Variants in PAK5 observed in about 807,000 individuals in gnomAD.
PAK5 encodes the protein p21 (RAC1) activated kinase 5, also known as serine/threonine-protein kinase PAK 5.
Under a neutral mutation model 65.9 loss-of-function variants are expected in PAK5, and 16 were observed. The observed-to-expected ratio is 0.24, with a 90% CI of 0.16 to 0.37. The LOEUF (loss-of-function observed/expected upper bound fraction) is 0.37, where lower values mean the gene tolerates loss of function less well. Ranked by LOEUF, PAK5 falls within the 10% of genes least tolerant of loss-of-function variation. PAK5 has a pLI of 1.00. For missense variants in PAK5, 785 were observed against 903.9 expected (o/e 0.87, Z 1.69); for synonymous variants, 371 against 354.9 (o/e 1.05, Z -0.51).
intron 2 of PAK5, among the ~76,000 whole-genome samples, chr20:9,662,888 C>G (rs2876174): frequency 0.49 from 74,237 of 151,954 alleles, 19,853 homozygotes; most frequent in Non-Finnish European, 0.62. Flanking sequence ...ACTCAGCTAG[C>G]TAGTGGCAGA....
intron 3 of PAK5, among the ~76,000 whole-genome samples, chr20:9,583,753 A>T (rs2123034311): frequency 6.6e-6 from 1 of 152,288 alleles, no homozygotes; most frequent in South Asian, 2.1e-4. Context: ...CAGCTGCAAA[A>T]ATATCTCCTG....
intron 3 of PAK5, among the ~76,000 whole-genome samples, chr20:9,626,108 C>T (rs948945628): frequency 8.5e-5 from 13 of 152,152 alleles, no homozygotes; most frequent in African/African-American, 2.6e-4. Flanking sequence ...GTTTCTTACC[C>T]GTTTGAAGAC....
intron 1 of PAK5, among the ~76,000 whole-genome samples, chr20:9,801,776 C>A (rs1000298175): frequency 6.6e-6 from 1 of 152,046 alleles, no homozygotes; most frequent in Admixed American, 6.6e-5. Flanking sequence ...GAAAAGCCAG[C>A]ATGAGTTAAA....
At position 9,821,957 on chromosome 20, in the gene PAK5, A is replaced by G. The variant is rs2049425882; in HGVS notation, c.-162+16805T>C. 1.3e-5 allele frequency among the ~76,000 whole-genome samples: 2 copies of G among 152,188 alleles called. 1 individual carries two copies. Among genetic ancestry groups the G allele is most frequent in the South Asian group, 4.1e-4 (2 of 4,834 alleles). On this transcript the variant is annotated intron_variant, in intron 1 of 9. Coordinates refer to ENST00000353224, the MANE Select transcript of PAK5 (RefSeq NM_177990.4). ...GGGATATAGAGTTCCAAATAATGCC[A>G]TGGAAGATACAGCTTATCAACTGGT...
At chr20:9,609,753 G>A (rs539854576) in intron 3 of PAK5, among the ~76,000 whole-genome samples, 1 of 152,294 alleles carries the variant, frequency 6.6e-6, no homozygotes, top group African/African-American at 2.4e-5. Flanking sequence ...TAGGAATTTG[G>A]AAACTTTGGC....
chr20:9,752,019 A>G (rs1319051687), intron 1 of PAK5, among the ~76,000 whole-genome samples: 3 of 152,194 alleles, frequency 2.0e-5, no homozygotes, highest in African/African-American at 4.8e-5. Context: ...TGAAGCACAC[A>G]TCTGGTGGAA....
At chr20:9,763,168 A>G (rs558006279) in intron 1 of PAK5, among the ~76,000 whole-genome samples, 28 of 152,168 alleles carry the variant, frequency 1.8e-4, no homozygotes, top group African/African-American at 6.5e-4. Flanking sequence ...CTTATACAAG[A>G]TAAATAGGTT....
At chr20:9,809,161 TTC>T (rs1369152964) in intron 1 of PAK5, among the ~76,000 whole-genome samples, 4 of 152,100 alleles carry the variant, frequency 2.6e-5, no homozygotes, top group Non-Finnish European at 5.9e-5. Flanking sequence ...TCAGCCAACA[TTC>T]TGAGCCTTTA....
At chr20:9,667,655 A>C (rs1486081903) in intron 2 of PAK5, among the ~76,000 whole-genome samples, 2 of 152,006 alleles carry the variant, frequency 1.3e-5, no homozygotes, top group African/African-American at 4.8e-5. Context: ...TGTTGATCAA[A>C]CTCCTGACCC....
At chr20:9,650,019 C>T (rs1253662803) in intron 2 of PAK5, among the ~76,000 whole-genome samples, 1 of 152,160 alleles carries the variant, frequency 6.6e-6, no homozygotes, top group Non-Finnish European at 1.5e-5. Context: ...GCTCTGCTGA[C>T]TTGAATACTA....
Position 9,838,274 on chromosome 20 carries a change from A to G in PAK5, c.-162+488T>C, listed in dbSNP as rs1979317751. The stretch of plus-strand genomic sequence containing the variant: ...TAAAGGCTCAGCTATTGCATCCTCC[A>G]GTCCACACCTGCCAAAAGACAAAAA... On this transcript the variant is annotated intron_variant, in intron 1 of 9. Transcript: ENST00000353224. This position sits in a 1 kb window ranked among gnomAD's most constrained non-coding sequence, Gnocchi z 4.5. Among the ~76,000 whole-genome samples, 3 of 152,112 alleles carry G rather than the reference A, an allele frequency of 2.0e-5. No homozygotes were observed. The South Asian group carries it at 6.2e-4, about 31-fold the overall frequency.
intron 1 of PAK5, among the ~76,000 whole-genome samples, chr20:9,812,371 A>C (rs1409755331): frequency 6.6e-6 from 1 of 152,222 alleles, no homozygotes; most frequent in Non-Finnish European, 1.5e-5. Context: ...CAAGTAACAT[A>C]TAAAAATGAT....
intron 2 of PAK5, among the ~76,000 whole-genome samples, chr20:9,668,334 T>C (rs918380352): frequency 4.6e-5 from 7 of 152,224 alleles, no homozygotes; most frequent in African/African-American, 1.7e-4. Flanking sequence ...TCATTTTTTT[T>C]CCTTTGTGAT....
chr20:9,687,087 G>A (rs1169273245), intron 2 of PAK5, among the ~76,000 whole-genome samples: 1 of 152,140 alleles, frequency 6.6e-6, no homozygotes, highest in Non-Finnish European at 1.5e-5. Flanking sequence ...TGCTCTTGGG[G>A]ACTGTGTTAG....
intron 2 of PAK5, among the ~76,000 whole-genome samples, chr20:9,656,063 A>G (rs2047263852): frequency 6.6e-6 from 1 of 152,168 alleles, no homozygotes; most frequent in Admixed American, 6.5e-5. Context: ...GGAGGTGGAC[A>G]GAATTCATCC....
intron 1 of PAK5, among the ~76,000 whole-genome samples, chr20:9,764,810 T>A (rs746904210): frequency 4.6e-5 from 7 of 152,072 alleles, no homozygotes; most frequent in Non-Finnish European, 8.8e-5. Context: ...TATGTTAGGG[T>A]GGAAATGCAT....
intron 1 of PAK5, among the ~76,000 whole-genome samples, chr20:9,722,358 G>A (rs919941248): frequency 8.5e-5 from 13 of 152,078 alleles, no homozygotes; most frequent in Admixed American, 1.3e-4. Flanking sequence ...CGTGGCTGAC[G>A]CCTGTAATCA....
At chr20:9,707,772 C>A (rs2048026891) in intron 2 of PAK5, among the ~76,000 whole-genome samples, 1 of 152,092 alleles carries the variant, frequency 6.6e-6, no homozygotes, top group South Asian at 2.1e-4. Flanking sequence ...GTTGCCCTAG[C>A]CACATCCAGT....
intron 3 of PAK5, among the ~76,000 whole-genome samples, chr20:9,610,124 C>G (rs986144367): frequency 1.2e-4 from 18 of 152,102 alleles, no homozygotes; most frequent in African/African-American, 4.3e-4. Flanking sequence ...AAGTCATCTT[C>G]CTGAAAGTAT....
Sources: allele counts gnomAD v4.1 joint callset (sites outside exome capture counted in the v4.1 genomes callset), GRCh38; gene constraint gnomAD v4.1.1; non-coding constraint Gnocchi (gnomAD v3.1); transcripts MANE v1.5; gene names NCBI Gene and HGNC (gene_info 2026-07-23, HGNC 2026-07-21).